Variants in NAV2 observed in about 807,000 individuals in gnomAD.
NAV2 encodes the protein helicase, APC down-regulated 1.
Under a neutral mutation model 223.2 loss-of-function variants are expected in NAV2, and 54 were observed. The observed-to-expected ratio is 0.24, with a 90% CI of 0.19 to 0.30. The LOEUF (loss-of-function observed/expected upper bound fraction) is 0.30, where lower values mean the gene tolerates loss of function less well. NAV2 is among the 10% of genes least tolerant of loss of function. NAV2 has a pLI of 1.00. For missense variants in NAV2, 2,806 were observed against 3,147.5 expected (o/e 0.89, Z 2.60); for synonymous variants, 1,279 against 1,239.3 (o/e 1.03, Z -0.67).
intron 1 of NAV2, among the ~76,000 whole-genome samples, chr11:19,552,424 C>T (rs1002538898): frequency 3.3e-5 from 5 of 152,110 alleles, no homozygotes; most frequent in African/African-American, 4.8e-5. Context: ...CATCGGGGCT[C>T]AGGGGCATGG....
rs542978854 is a variant in NAV2, at chr11:19,897,608, C to T, written c.931+5014C>T. ...TAGCTAGAAAAGGCCTAGAGACTCC[C>T]ATGAAATTCATTCACTTGTTCCATA... is the stretch of plus-strand genomic sequence containing the variant. On this transcript the variant is annotated intron_variant, in intron 6 of 37. Coordinates refer to ENST00000349880, the MANE Select transcript of NAV2 (RefSeq NM_145117.5). Among the ~76,000 whole-genome samples, 269 of 152,024 alleles carry T rather than the reference C, an allele frequency of 1.8e-3. 4 individuals carry two copies. The highest frequency in any genetic ancestry group is 6.2e-3 in the African/African-American group (258 of 41,472).
chr11:19,999,052 T>C (rs1014858335), intron 11 of NAV2, among the ~76,000 whole-genome samples: 3 of 152,250 alleles, frequency 2.0e-5, no homozygotes, highest in Admixed American at 2.0e-4. Flanking sequence ...GGCACTGTGA[T>C]GCAGGGCTGA....
chr11:19,493,604 A>C (rs1337692059), intron 1 of NAV2, among the ~76,000 whole-genome samples: 1 of 152,054 alleles, frequency 6.6e-6, no homozygotes, highest in Non-Finnish European at 1.5e-5. Flanking sequence ...TGTGAACAGA[A>C]AGCACCTCCC....
At chr11:19,549,837 T>A (rs1380806523) in intron 1 of NAV2, among the ~76,000 whole-genome samples, 3 of 152,240 alleles carry the variant, frequency 2.0e-5, no homozygotes, top group Admixed American at 6.5e-5. Context: ...ATAGACCAGA[T>A]GACAAGAACG....
chr11:19,800,461 A>C (rs1365570307), intron 1 of NAV2, among the ~76,000 whole-genome samples: 1 of 152,158 alleles, frequency 6.6e-6, no homozygotes, highest in Admixed American at 6.5e-5. Context: ...TCAACATATC[A>C]AATGTAAAAT....
chr11:20,012,746 C>T (rs927168473), intron 11 of NAV2, among the ~76,000 whole-genome samples: 1 of 151,032 alleles, frequency 6.6e-6, no homozygotes, highest in Non-Finnish European at 1.5e-5. Flanking sequence ...ACTTTTAATA[C>T]TCAAACCAGT....
At position 20,080,213 on chromosome 11, in the gene NAV2, A is replaced by G. The variant is rs1244581717; in HGVS notation, c.5325+4A>G. On this transcript the variant is annotated splice_donor_region_variant and intron_variant, in intron 25 of 37. Transcript: ENST00000349880. ...GAAGAAGAAGCGGAAGAACTGGGTG[A>G]GTGCACATCCACTCTCCTGGGGACT... is the stretch of plus-strand genomic sequence containing the variant. 1 of 1,613,118 alleles carries G rather than the reference A, an allele frequency of 6.2e-7. No homozygotes were observed. The highest frequency in any genetic ancestry group is 8.5e-7 in the Non-Finnish European group (1 of 1,179,356).
At chr11:20,082,461 T>G (rs940338203) in intron 25 of NAV2, 1 of 838,160 alleles carries the variant, frequency 1.2e-6, no homozygotes, top group African/African-American at 1.7e-5. Context: ...AAACCTCCCC[T>G]GTGTGTGGTG....
chr11:19,666,020 G>T (rs998567391), intron 1 of NAV2, among the ~76,000 whole-genome samples: 1 of 151,962 alleles, frequency 6.6e-6, no homozygotes, highest in Non-Finnish European at 1.5e-5. Flanking sequence ...GACCTTTCAC[G>T]TTATTAGTCT....
chr11:19,957,918 A>G (rs1342709695), intron 10 of NAV2, among the ~76,000 whole-genome samples: 2 of 152,138 alleles, frequency 1.3e-5, no homozygotes, highest in Non-Finnish European at 2.9e-5. Flanking sequence ...AAAAAAAAAT[A>G]AATGGGTGTC....
intron 12 of NAV2, among the ~76,000 whole-genome samples, chr11:20,042,086 C>T (rs907577818): frequency 1.3e-5 from 2 of 152,164 alleles, no homozygotes; most frequent in Non-Finnish European, 2.9e-5. Context: ...TCCGTGGTGC[C>T]TGGCAGACAG....
chr11:19,523,676 A>T (rs2043747997), intron 1 of NAV2, among the ~76,000 whole-genome samples: 1 of 152,204 alleles, frequency 6.6e-6, no homozygotes, highest in Non-Finnish European at 1.5e-5. Context: ...CCCCACATTG[A>T]CTTAATGCCA....
chr11:19,695,363 T>C (rs1565174322), intron 1 of NAV2, among the ~76,000 whole-genome samples: 1 of 152,198 alleles, frequency 6.6e-6, no homozygotes, highest in Non-Finnish European at 1.5e-5. Flanking sequence ...AAACAGGGAA[T>C]GACAATACCT....
chr11:19,408,030 C>T (rs1411526626), intron 1 of NAV2, among the ~76,000 whole-genome samples: 2 of 152,140 alleles, frequency 1.3e-5, no homozygotes, highest in African/African-American at 4.8e-5. Flanking sequence ...ACTTTGTGCA[C>T]ATTTCCCTAT....
intron 11 of NAV2, among the ~76,000 whole-genome samples, chr11:19,999,375 T>C (rs1040650513): frequency 2.6e-5 from 4 of 152,194 alleles, no homozygotes; most frequent in Non-Finnish European, 4.4e-5. Context: ...TGGGAAAATG[T>C]GGGGTTTTTT....
chr11:20,112,622 T>C (rs10766626), intron 36 of NAV2, among the ~76,000 whole-genome samples: 111,184 of 151,904 alleles, frequency 0.73, 44,147 homozygotes, highest in Non-Finnish European at 0.9. Context: ...CGCGTCTCCC[T>C]GCTCTGGGTC....
chr11:19,407,917 T>C (rs540598313), intron 1 of NAV2, among the ~76,000 whole-genome samples: 2 of 152,188 alleles, frequency 1.3e-5, no homozygotes, highest in South Asian at 4.2e-4. Flanking sequence ...GTAAAGAAAA[T>C]TGTGTAGCTT....
chr11:20,052,132 G>A (rs988078744), intron 17 of NAV2, among the ~76,000 whole-genome samples: 1 of 152,218 alleles, frequency 6.6e-6, no homozygotes, highest in African/African-American at 2.4e-5. Context: ...CACATGCCCT[G>A]TAGCATCAGC....
intron 20 of NAV2, 96 bp from the exon 21 acceptor site, chr11:20,068,090 C>T (rs368682284): frequency 1.8e-6 from 2 of 1,103,208 alleles, no homozygotes; most frequent in South Asian, 1.3e-5. Flanking sequence ...TTCTTCCAGA[C>T]TGCTGCAACC....
Sources: allele counts gnomAD v4.1 joint callset (sites outside exome capture counted in the v4.1 genomes callset), GRCh38; gene constraint gnomAD v4.1.1; transcripts MANE v1.5; gene names NCBI Gene and HGNC (gene_info 2026-07-23, HGNC 2026-07-21).